The following CPXM2 variants were observed in gnomAD, a reference collection of about 807,000 sequenced individuals.
CPXM2 encodes the protein inactive carboxypeptidase-like protein X2.
Under a neutral mutation model 86.1 loss-of-function variants are expected in CPXM2, and 66 were observed. The ratio of observed to expected loss-of-function variants is 0.77; its 90% CI spans 0.63 to 0.94. The LOEUF (loss-of-function observed/expected upper bound fraction) is 0.94. Among genes scored for constraint, CPXM2 ranks in the 40% least tolerant of loss-of-function variants. The pLI is 0.00. For missense variants in CPXM2, 948 were observed against 1,026.3 expected (o/e 0.92, Z 1.04); for synonymous variants, 388 against 400.2 (o/e 0.97, Z 0.36).
intron 2 of CPXM2, among the ~76,000 whole-genome samples, chr10:123,907,287 CTG>C (rs1382077338): frequency 6.6e-6 from 1 of 152,256 alleles, no homozygotes; most frequent in Non-Finnish European, 1.5e-5. Context: ...ATGGAAAACT[CTG>C]TTCCTTTCAA....
At chr10:123,801,739 C>T (rs140711447) in intron 4 of CPXM2, among the ~76,000 whole-genome samples, 131 of 152,270 alleles carry the variant, frequency 8.6e-4, no homozygotes, top group Non-Finnish European at 1.5e-3. Context: ...CCCTTGCTTG[C>T]CTTGCGTTCT....
At chr10:123,870,607 C>A (rs78313541) in intron 2 of CPXM2, among the ~76,000 whole-genome samples, 6,145 of 152,286 alleles carry the variant, frequency 0.04, 171 homozygotes, top group East Asian at 0.11. Flanking sequence ...TCAGATACCA[C>A]TGGCTTCCCA....
chr10:123,835,867 G>C (rs1313484700), intron 4 of CPXM2, among the ~76,000 whole-genome samples: 1 of 152,194 alleles, frequency 6.6e-6, no homozygotes, highest in Non-Finnish European at 1.5e-5. Context: ...TGCCTCAGGG[G>C]AGCAAAAAGC....
chr10:123,935,620 C>T (rs1190613762), intron 2 of CPXM2, among the ~76,000 whole-genome samples: 3 of 152,164 alleles, frequency 2.0e-5, no homozygotes, highest in Admixed American at 6.5e-5. Context: ...TGGTGCCTGA[C>T]ACTTAAAAGC....
chr10:123,943,524 A>G (rs1434321250), upstream of CPXM2, among the ~76,000 whole-genome samples: 1 of 152,244 alleles, frequency 6.6e-6, no homozygotes, highest in Non-Finnish European at 1.5e-5. Flanking sequence ...TCCAGGGACC[A>G]GCAGGCTGCA....
At chr10:123,774,329 C>T (rs1439459133) in intron 7 of CPXM2, among the ~76,000 whole-genome samples, 2 of 152,228 alleles carry the variant, frequency 1.3e-5, no homozygotes, top group African/African-American at 4.8e-5. Flanking sequence ...TTCTAGCAAG[C>T]TGCCAAAAAA....
At position 123,802,347 on chromosome 10, in the gene CPXM2, C is replaced by T. The variant is rs112154570; in HGVS notation, c.654-3148G>A. Among the ~76,000 whole-genome samples the T allele has an allele frequency of 4.2e-3, 644 of 152,270 alleles. 3 individuals are homozygous for T. The highest frequency in any genetic ancestry group is 0.015 in the African/African-American group (605 of 41,560). On this transcript the variant is annotated intron_variant, in intron 4 of 13. Coordinates refer to ENST00000241305, the MANE Select transcript of CPXM2 (RefSeq NM_198148.3). ...TTAGAAAACTAACTCCCCTTTCTAC[C>T]GCCTTTGAACCACTGCCGAAATAAG...
chr10:123,942,534 C>G (rs926292090), upstream of CPXM2, among the ~76,000 whole-genome samples: 1 of 152,298 alleles, frequency 6.6e-6, no homozygotes, highest in East Asian at 1.9e-4. Context: ...CCACCAGCAC[C>G]ACGACAGTTT....
intron 3 of CPXM2, among the ~76,000 whole-genome samples, chr10:123,848,763 T>C (rs557543933): frequency 6.6e-6 from 1 of 152,356 alleles, no homozygotes; most frequent in South Asian, 2.1e-4. Context: ...GCAGCACAGC[T>C]CAGAATCGCC....
intron 5 of CPXM2, among the ~76,000 whole-genome samples, chr10:123,798,481 T>G (rs1314006767): frequency 6.6e-6 from 1 of 152,128 alleles, no homozygotes; most frequent in Non-Finnish European, 1.5e-5. Context: ...GAAAGCTATT[T>G]AGATCCGTAG....
At chr10:123,823,069 C>T (rs1049222833) in intron 4 of CPXM2, among the ~76,000 whole-genome samples, 1 of 152,002 alleles carries the variant, frequency 6.6e-6, no homozygotes, top group Non-Finnish European at 1.5e-5. Context: ...AAAATTATTT[C>T]CAAAATACAA....
At chr10:123,895,108 TTTTC>T (rs1945324795), upstream of CPXM2, among the ~76,000 whole-genome samples, 1 of 116,156 alleles carries the variant, frequency 8.6e-6, no homozygotes, top group African/African-American at 2.9e-5. Flanking sequence ...ATTCTTTTTT[TTTTC>T]TTTTTTTTCT....
chr10:123,905,948 G>T (rs1452384922), intron 2 of CPXM2, among the ~76,000 whole-genome samples: 1 of 152,126 alleles, frequency 6.6e-6, no homozygotes, highest in African/African-American at 2.4e-5. Flanking sequence ...TGGCTCTCGG[G>T]TTCTATGTGA....
intron 4 of CPXM2, among the ~76,000 whole-genome samples, chr10:123,829,036 A>G (rs887879759): frequency 2.6e-5 from 4 of 152,236 alleles, no homozygotes; most frequent in African/African-American, 9.6e-5. Flanking sequence ...AAACGTAAAC[A>G]ATGCAACTAG....
chr10:123,769,234 T>C (rs757704139), intron 8 of CPXM2, among the ~76,000 whole-genome samples: 2 of 152,076 alleles, frequency 1.3e-5, no homozygotes, highest in Non-Finnish European at 2.9e-5. Context: ...GGTGCTATGG[T>C]TTAATGTATG....
intron 7 of CPXM2, among the ~76,000 whole-genome samples, chr10:123,774,779 C>T (rs547736634): frequency 8.5e-5 from 13 of 152,286 alleles, no homozygotes; most frequent in African/African-American, 1.9e-4. Flanking sequence ...ACAACAGAAA[C>T]CCATCATAAA....
chr10:123,942,400 C>T (rs1018234487), upstream of CPXM2, among the ~76,000 whole-genome samples: 3 of 152,126 alleles, frequency 2.0e-5, no homozygotes, highest in Admixed American at 1.3e-4. Flanking sequence ...AAAGACCCCG[C>T]TAATGAAAAC....
At chr10:123,747,921 C>CAAA (rs59206856) in intron 13 of CPXM2, among the ~76,000 whole-genome samples, 18 of 71,988 alleles carry the variant, frequency 2.5e-4, no homozygotes, top group African/African-American at 7.0e-4. Context: ...GACTCTGTCT[C>CAAA]AAAAAAAAAA....
At chr10:123,821,133 A>T (rs747267423) in intron 4 of CPXM2, among the ~76,000 whole-genome samples, 22 of 152,180 alleles carry the variant, frequency 1.4e-4, no homozygotes, top group Non-Finnish European at 2.9e-4. Context: ...ATGGTTCCCT[A>T]ATTCCATTCA....
Sources: gnomAD v4.1 joint callset for allele counts (sites outside exome capture counted in the v4.1 genomes callset) on GRCh38, gnomAD v4.1.1 for gene constraint, MANE v1.5 for transcripts, NCBI Gene and HGNC (gene_info 2026-07-23, HGNC 2026-07-21) for gene names.